Variants in CD38 observed in about 807,000 individuals in gnomAD.
The protein encoded by CD38 is ADP-ribosyl cyclase/cyclic ADP-ribose hydrolase 1.
In CD38, 31 loss-of-function variants were observed where a neutral mutation model predicts 36.3. The observed-to-expected ratio is 0.85, with a 90% confidence interval of 0.64 to 1.15. The LOEUF is 1.15. Ranked by LOEUF, CD38 falls within the 50% of genes most tolerant of loss-of-function variation. The pLI, the probability that CD38 is intolerant of heterozygous loss-of-function variation, is 0.00. For synonymous variants in CD38, 131 were observed against 135.2 expected (o/e 0.97, Z 0.22); for missense variants, 380 against 371.9 (o/e 1.02, Z -0.18).
chr4:15,790,850 C>T (rs1377273062), intron 1 of CD38, among the ~76,000 whole-genome samples: 34 of 147,514 alleles, frequency 2.3e-4, no homozygotes, highest in East Asian at 1.2e-3. Flanking sequence ...ATGTGAGGAG[C>T]GCCTCTGCTG....
chr4:15,790,045 G>C (rs1385065448), intron 1 of CD38, among the ~76,000 whole-genome samples: 1 of 151,868 alleles, frequency 6.6e-6, no homozygotes, highest in African/African-American at 2.4e-5. Context: ...GAAATATCTG[G>C]GGAGAACATC....
intron 1 of CD38, among the ~76,000 whole-genome samples, chr4:15,805,612 C>T (rs1045288328): frequency 3.3e-5 from 5 of 152,186 alleles, no homozygotes; most frequent in African/African-American, 1.2e-4. Flanking sequence ...GTTTTGTTCA[C>T]TGATGTACCC....
Position 15,851,470 on chromosome 4 carries a change from A to C in CD38, c.*2868A>C, listed in dbSNP as rs1724384611. 1 of 152,154 alleles carries C rather than the reference A, an allele frequency of 6.6e-6. No homozygotes were observed. Among genetic ancestry groups the C allele is most frequent in the Non-Finnish European group, 1.5e-5 (1 of 68,044 alleles). 9.4% of individuals were successfully genotyped at this position (152,154 alleles called of 1,614,324 possible). A position where few individuals can be genotyped will look rare whatever the true frequency, so the allele number is the denominator to read the frequency against. On this transcript the variant is annotated 3_prime_UTR_variant, in exon 8 of 8. Coordinates refer to ENST00000226279, the MANE Select transcript of CD38 (RefSeq NM_001775.4). Reference sequence around the variant, plus strand: ...TTCACCCACCATCATGCTTACCCAAAGGCTGTGGGAATGACCTGGGCCCTA... The same window carrying C: ...TTCACCCACCATCATGCTTACCCAACGGCTGTGGGAATGACCTGGGCCCTA...
intron 1 of CD38, among the ~76,000 whole-genome samples, chr4:15,784,967 A>AG (rs1384764906): frequency 1.3e-5 from 2 of 151,964 alleles, no homozygotes; most frequent in African/African-American, 4.8e-5. Flanking sequence ...GAGGCAGGAG[A>AG]ATCGCTTGAA....
At chr4:15,793,163 G>T (rs776323569) in intron 1 of CD38, among the ~76,000 whole-genome samples, 3 of 151,852 alleles carry the variant, frequency 2.0e-5, no homozygotes, top group Non-Finnish European at 4.4e-5. Context: ...TTCTTCCCTT[G>T]AGTCTGTACA....
chr4:15,839,549 G>C (rs537672967), intron 5 of CD38, among the ~76,000 whole-genome samples: 3 of 148,458 alleles, frequency 2.0e-5, no homozygotes, highest in African/African-American at 7.5e-5. Context: ...TCAGCCTCCT[G>C]AATAACTGGG....
At chr4:15,804,055 C>T (rs981084771) in intron 1 of CD38, among the ~76,000 whole-genome samples, 1 of 152,146 alleles carries the variant, frequency 6.6e-6, no homozygotes, top group Non-Finnish European at 1.5e-5. Context: ...TCCAATCTGC[C>T]ATTATTGGGC....
intron 1 of CD38, among the ~76,000 whole-genome samples, chr4:15,801,694 A>T (rs1002186219): frequency 2.0e-5 from 3 of 152,182 alleles, no homozygotes; most frequent in African/African-American, 7.2e-5. Context: ...GACAAAAATC[A>T]TATGATCACC....
At chr4:15,825,329 G>A in intron 3 of CD38, 1 of 311,938 alleles carries the variant, frequency 3.2e-6, no homozygotes, top group Non-Finnish European at 6.1e-6. Context: ...GGCATTTACA[G>A]AGATCACATG....
intron 1 of CD38, among the ~76,000 whole-genome samples, chr4:15,811,336 A>G (rs74572939): frequency 0.042 from 6,389 of 152,272 alleles, 341 homozygotes; most frequent in African/African-American, 0.12. Flanking sequence ...TTAAGAAATA[A>G]TTGCCTAATC....
chr4:15,778,337 G>A lies in CD38; in HGVS notation c.-78G>A, dbSNP rs911942693. 9.5e-6 allele frequency: 9 copies of A among 951,054 alleles called. No homozygotes were observed. In the African/African-American group the frequency reaches 1.1e-4, roughly 12 times the overall value. The allele number at this position is 951,054 out of a possible 1,614,324, so 58.9% of individuals were successfully genotyped here. On this transcript the variant is annotated 5_prime_UTR_variant, in exon 1 of 8. Coordinates refer to ENST00000226279, the MANE Select transcript of CD38 (RefSeq NM_001775.4). This position sits in a 1 kb window ranked among gnomAD's most constrained non-coding sequence, Gnocchi z 4.9. ...AAACAGAAGGGGAGGTGCAGTTTCA[G>A]AACCCAGCCAGCCTCTCTCTTGCTG...
chr4:15,841,062 A>T (rs914220761), intron 7 of CD38, among the ~76,000 whole-genome samples: 1 of 152,094 alleles, frequency 6.6e-6, no homozygotes, highest in Non-Finnish European at 1.5e-5. Flanking sequence ...TATTTACAAA[A>T]TTTTTCTGAT....
At position 15,802,774 on chromosome 4, in the gene CD38, A is replaced by T. The variant is rs200203335; in HGVS notation, c.234-13737A>T. On this transcript the variant is annotated intron_variant, in intron 1 of 7. Coordinates refer to ENST00000226279, the MANE Select transcript of CD38 (RefSeq NM_001775.4). Reference sequence around the variant, plus strand: ...TGGCCAGGCTGGTCTCAAACTCCTGACCTCAAGTGATCCACCTGCCTCAGC... The same window carrying T: ...TGGCCAGGCTGGTCTCAAACTCCTGTCCTCAAGTGATCCACCTGCCTCAGC... Among the ~76,000 whole-genome samples the T allele has an allele frequency of 5.9e-4, 90 of 152,100 alleles. 3 individuals are homozygous for T. The South Asian group carries it at 0.018, about 31-fold the overall frequency.
chr4:15,788,665 C>T (rs906972442), intron 1 of CD38, among the ~76,000 whole-genome samples: 2 of 152,030 alleles, frequency 1.3e-5, no homozygotes, highest in Admixed American at 6.5e-5. Context: ...ATCAGGACCC[C>T]GAATAGTGAA....
chr4:15,785,776 G>A (rs573414887), intron 1 of CD38, among the ~76,000 whole-genome samples: 14 of 152,138 alleles, frequency 9.2e-5, no homozygotes, highest in African/African-American at 1.4e-4. Flanking sequence ...TAGTGGGTCC[G>A]GAATTCGTGG....
chr4:15,828,162 C>T (rs1158735801), intron 3 of CD38, among the ~76,000 whole-genome samples: 10 of 152,058 alleles, frequency 6.6e-5, no homozygotes, highest in Admixed American at 5.9e-4. Flanking sequence ...CTACAGGTGC[C>T]TGCCACCACA....
At chr4:15,805,771 T>C (rs527450617) in intron 1 of CD38, among the ~76,000 whole-genome samples, 2 of 152,332 alleles carry the variant, frequency 1.3e-5, no homozygotes, top group East Asian at 3.9e-4. Context: ...TCTCAGTGAC[T>C]CTCACCAGTC....
At chr4:15,822,813 C>T (rs1010813501) in intron 2 of CD38, among the ~76,000 whole-genome samples, 2 of 152,122 alleles carry the variant, frequency 1.3e-5, no homozygotes, top group African/African-American at 4.8e-5. Flanking sequence ...TGACATTCTT[C>T]ATAGAATTAG....
chr4:15,831,302 G>A lies in CD38; in HGVS notation c.500-2915G>A, dbSNP rs535620968. ...CATTTAGTTTTTCTACTTAAGACAAGAGTAGTTTACACGTCATAGTTACAG... is the reference window on the plus strand; with the variant it reads ...CATTTAGTTTTTCTACTTAAGACAAAAGTAGTTTACACGTCATAGTTACAG... On this transcript the variant is annotated intron_variant, in intron 3 of 7. Transcript: ENST00000226279. Among the ~76,000 whole-genome samples, 54 of 152,248 alleles carry A rather than the reference G, an allele frequency of 3.5e-4. No homozygotes were observed. In the South Asian group the frequency reaches 0.011, roughly 31 times the overall value.
Sources: gnomAD v4.1 joint callset for allele counts (sites outside exome capture counted in the v4.1 genomes callset) on GRCh38, gnomAD v4.1.1 for gene constraint, Gnocchi (gnomAD v3.1) non-coding constraint, MANE v1.5 for transcripts, NCBI Gene and HGNC (gene_info 2026-07-23, HGNC 2026-07-21) for gene names.